The following SNAP91 variants were observed in gnomAD, a reference collection of about 807,000 sequenced individuals.
SNAP91 encodes synaptosome associated protein 91, also known as clathrin coat assembly protein AP180.
Under a neutral mutation model 100.3 loss-of-function variants are expected in SNAP91, and 27 were observed. That is an observed-to-expected ratio of 0.27 (90% CI 0.20 to 0.37). The LOEUF is 0.37. Among genes scored for constraint, SNAP91 ranks in the 10% least tolerant of loss-of-function variants. The pLI is 1.00. For synonymous variants in SNAP91, 404 were observed against 398.6 expected (o/e 1.01, Z -0.16); for missense variants, 986 against 1,123.7 (o/e 0.88, Z 1.75).
chr6:83,690,256 G>A, intron 2 of SNAP91: 1 of 1,132,616 alleles, frequency 8.8e-7, no homozygotes, highest in South Asian at 1.9e-5. Context: ...CTCTTCTTGA[G>A]AAATAAATAA....
intron 22 of SNAP91, among the ~76,000 whole-genome samples, chr6:83,582,575 A>C (rs1390858244): frequency 6.6e-6 from 1 of 152,214 alleles, no homozygotes; most frequent in Non-Finnish European, 1.5e-5. Context: ...TAGAAATAAG[A>C]TAACACACAA....
intron 22 of SNAP91, among the ~76,000 whole-genome samples, chr6:83,588,203 T>C (rs1299472555): frequency 6.6e-6 from 1 of 152,182 alleles, no homozygotes. Flanking sequence ...TATGTATACA[T>C]TAAATTACAA....
chr6:83,623,621 A>G (rs1282326919), intron 8 of SNAP91, among the ~76,000 whole-genome samples: 1 of 152,130 alleles, frequency 6.6e-6, no homozygotes, highest in African/African-American at 2.4e-5. Flanking sequence ...ATGTAATGGT[A>G]TCCTTAGTTA....
intron 2 of SNAP91, among the ~76,000 whole-genome samples, chr6:83,669,954 C>T (rs1380451449): frequency 1.3e-5 from 2 of 151,892 alleles, no homozygotes; most frequent in Non-Finnish European, 2.9e-5. Flanking sequence ...CTGCTATGAA[C>T]ATTTACATAT....
At chr6:83,606,724 T>C (rs1427717659) in intron 13 of SNAP91, among the ~76,000 whole-genome samples, 1 of 152,206 alleles carries the variant, frequency 6.6e-6, no homozygotes, top group African/African-American at 2.4e-5. Flanking sequence ...CAAGTAATAT[T>C]CTTTTGAAGA....
Position 83,665,596 on chromosome 6 carries a change from G to T in SNAP91, c.131-15C>A. The T allele has an allele frequency of 6.3e-7, 1 of 1,599,288 alleles. No homozygotes were observed. Among genetic ancestry groups the T allele is most frequent in the Admixed American group, 1.7e-5 (1 of 57,658 alleles). On this transcript the variant is annotated splice_polypyrimidine_tract_variant and intron_variant, in intron 2 of 29. Transcript: ENST00000369694. ...CTGGATCAAATCTATGAAAATAGAAGATATTAATCAATGATATTAACAATT... is the reference window on the plus strand; with the variant it reads ...CTGGATCAAATCTATGAAAATAGAATATATTAATCAATGATATTAACAATT...
intron 8 of SNAP91, 48 bp from the exon 9 acceptor site, chr6:83,623,390 T>G (rs1170251276): frequency 2.8e-6 from 4 of 1,405,608 alleles, no homozygotes; most frequent in Non-Finnish European, 3.0e-6. Context: ...AAAATTAATT[T>G]TTTTCATTTA....
Position 83,573,288 on chromosome 6 carries a change from A to T in SNAP91, c.2442+1722T>A, listed in dbSNP as rs1023781637. Among the ~76,000 whole-genome samples, 9 of 152,306 alleles carry T rather than the reference A, an allele frequency of 5.9e-5. No homozygotes were observed. In the East Asian group the frequency reaches 1.7e-3, roughly 29 times the overall value. ...CAAGGAGAACTACAAACCACTGCTCAACGAAATGAAAGAGGACACAAACAA... is the reference window on the plus strand; with the variant it reads ...CAAGGAGAACTACAAACCACTGCTCTACGAAATGAAAGAGGACACAAACAA... On this transcript the variant is annotated intron_variant, in intron 26 of 29. Transcript: ENST00000369694.
At chr6:83,621,728 C>A (rs2096736883) in intron 9 of SNAP91, among the ~76,000 whole-genome samples, 1 of 152,074 alleles carries the variant, frequency 6.6e-6, no homozygotes, top group Non-Finnish European at 1.5e-5. Flanking sequence ...TCCTTTCAGA[C>A]TGCCCAAACT....
chr6:83,645,069 C>T (rs975259365), intron 7 of SNAP91, among the ~76,000 whole-genome samples: 2 of 152,122 alleles, frequency 1.3e-5, no homozygotes, highest in Non-Finnish European at 2.9e-5. Flanking sequence ...TCAAGCCCCA[C>T]CTCAGACTTA....
At chr6:83,703,786 A>G (rs2099348005) in intron 2 of SNAP91, among the ~76,000 whole-genome samples, 1 of 152,230 alleles carries the variant, frequency 6.6e-6, no homozygotes, top group Non-Finnish European at 1.5e-5. Flanking sequence ...AGTGTTTAAT[A>G]CGGAAAAAAT....
intron 2 of SNAP91, among the ~76,000 whole-genome samples, chr6:83,699,666 C>T (rs1409050331): frequency 1.3e-5 from 2 of 152,124 alleles, no homozygotes; most frequent in African/African-American, 4.8e-5. Flanking sequence ...GCGAGACATA[C>T]ATTCTCAGAT....
Position 83,665,593 on chromosome 6 carries a change from G to A in SNAP91, c.131-12C>T. ...AGCCTGGATCAAATCTATGAAAATA[G>A]AAGATATTAATCAATGATATTAACA... On this transcript the variant is annotated splice_polypyrimidine_tract_variant and intron_variant, in intron 2 of 29. Transcript: ENST00000369694. 2 of 1,603,816 alleles carry A rather than the reference G, an allele frequency of 1.2e-6. No individual in the cohort carries two copies. The highest frequency in any genetic ancestry group is 1.7e-6 in the Non-Finnish European group (2 of 1,176,320).
intron 11 of SNAP91, among the ~76,000 whole-genome samples, 198 bp from the exon 12 acceptor site, chr6:83,610,875 C>T (rs1010947954): frequency 1.3e-5 from 2 of 151,152 alleles, no homozygotes; most frequent in African/African-American, 4.9e-5. Context: ...TAATCTTTTA[C>T]TTAATAATGA....
intron 2 of SNAP91, among the ~76,000 whole-genome samples, chr6:83,693,694 A>G (rs2099159827): frequency 6.6e-6 from 1 of 152,186 alleles, no homozygotes; most frequent in East Asian, 1.9e-4. Flanking sequence ...AAGAACAACT[A>G]CCTTTTGCTA....
chr6:83,693,011 C>G (rs1447152115), intron 2 of SNAP91, among the ~76,000 whole-genome samples: 1 of 152,124 alleles, frequency 6.6e-6, no homozygotes, highest in Non-Finnish European at 1.5e-5. Context: ...ACTAGGCTCC[C>G]TGTAGCTGGG....
intron 2 of SNAP91, among the ~76,000 whole-genome samples, chr6:83,683,408 TG>T (rs1298253910): frequency 6.6e-6 from 1 of 152,182 alleles, no homozygotes; most frequent in Non-Finnish European, 1.5e-5. Context: ...GGTTTGGTGC[TG>T]TCCTCACGGT....
At chr6:83,700,124 G>A (rs1383909473) in intron 2 of SNAP91, among the ~76,000 whole-genome samples, 1 of 152,150 alleles carries the variant, frequency 6.6e-6, no homozygotes, top group East Asian at 1.9e-4. Flanking sequence ...AGAAGTAGGT[G>A]ATTGAAGTTA....
chr6:83,566,712 A>G (rs550208983), intron 26 of SNAP91, among the ~76,000 whole-genome samples: 1 of 152,266 alleles, frequency 6.6e-6, no homozygotes, highest in East Asian at 1.9e-4. Flanking sequence ...CATGTAAGCA[A>G]AATGAAGCCC....
Sources: gnomAD v4.1 joint callset for allele counts (sites outside exome capture counted in the v4.1 genomes callset) on GRCh38, gnomAD v4.1.1 for gene constraint, MANE v1.5 for transcripts, NCBI Gene and HGNC (gene_info 2026-07-23, HGNC 2026-07-21) for gene names.